The following PDSS2 variants were observed in gnomAD, a reference collection of about 807,000 sequenced individuals.
The protein encoded by PDSS2 is all trans-polyprenyl-diphosphate synthase PDSS2.
A neutral mutation model predicts 44.5 loss-of-function variants in PDSS2; 31 were observed. The observed-to-expected ratio is 0.70, with a 90% CI of 0.52 to 0.94. PDSS2 has a LOEUF of 0.94. Ranked by LOEUF, PDSS2 falls within the 40% of genes least tolerant of loss-of-function variation. PDSS2 has a pLI of 0.00. For synonymous variants in PDSS2, 157 were observed against 180.3 expected (o/e 0.87, Z 1.03); for missense variants, 452 against 482.2 (o/e 0.94, Z 0.59).
At chr6:107,197,142 T>TGCTCTAGCAAATTAACTGAACCC (rs1772590549) in intron 6 of PDSS2, among the ~76,000 whole-genome samples, 1 of 151,938 alleles carries the variant, frequency 6.6e-6, no homozygotes, top group Non-Finnish European at 1.5e-5. Flanking sequence ...TTCTGGGAGC[T>TGCTCTAGCAAATTAACTGAACCC]GCTCTAGCAA....
chr6:107,415,430 T>C (rs1038846447), intron 1 of PDSS2, among the ~76,000 whole-genome samples: 11 of 152,162 alleles, frequency 7.2e-5, no homozygotes, highest in African/African-American at 2.7e-4. Flanking sequence ...TAGTAAGGCC[T>C]CTTCTAGGTG....
chr6:107,430,918 T>C (rs1781174949), intron 1 of PDSS2, among the ~76,000 whole-genome samples: 1 of 152,234 alleles, frequency 6.6e-6, no homozygotes, highest in African/African-American at 2.4e-5. Flanking sequence ...GTCAATCTTA[T>C]TTTATTGTAA....
chr6:107,158,186 CTTT>C (rs35734800), intron 7 of PDSS2, among the ~76,000 whole-genome samples: 14 of 136,720 alleles, frequency 1.0e-4, no homozygotes, highest in East Asian at 4.3e-4. Flanking sequence ...GGTTTTCTTT[CTTT>C]TTTTTTTTTT....
chr6:107,159,712 TG>T (rs1231478954), intron 7 of PDSS2, among the ~76,000 whole-genome samples: 4 of 151,774 alleles, frequency 2.6e-5, no homozygotes, highest in Admixed American at 6.6e-5. Flanking sequence ...GCCACTGCGC[TG>T]GGCCAAGCTC....
intron 1 of PDSS2, among the ~76,000 whole-genome samples, chr6:107,362,752 T>C (rs1016470937): frequency 6.6e-6 from 1 of 152,166 alleles, no homozygotes; most frequent in African/African-American, 2.4e-5. Flanking sequence ...ATTATAAATA[T>C]GCTCAAAAAA....
At chr6:107,320,947 T>G (rs1777362976) in intron 2 of PDSS2, among the ~76,000 whole-genome samples, 1 of 152,214 alleles carries the variant, frequency 6.6e-6, no homozygotes, top group African/African-American at 2.4e-5. Context: ...TCAAATGGGA[T>G]TTGAAACTCA....
chr6:107,162,056 T>C (rs1554246797), intron 7 of PDSS2, among the ~76,000 whole-genome samples: 1 of 152,196 alleles, frequency 6.6e-6, no homozygotes, highest in Non-Finnish European at 1.5e-5. Context: ...GATTTAATAA[T>C]AGCCTGTGAG....
intron 2 of PDSS2, among the ~76,000 whole-genome samples, chr6:107,305,341 C>A (rs149813981): frequency 6.6e-6 from 1 of 152,204 alleles, no homozygotes; most frequent in Non-Finnish European, 1.5e-5. Context: ...GTATCTATGG[C>A]CCTCTTGCTC....
In PDSS2 at chr6:107,210,438, C is replaced by A. The variant is rs780560462; in HGVS notation, c.1008+1G>T. ...CTAAAACAGGAGTAATTTCATTTTA[C>A]CTCTCCGATCTGTTTAATCCACAAA... On this transcript the variant is annotated splice_donor_variant, in intron 6 of 7. Coordinates refer to ENST00000369037, the MANE Select transcript of PDSS2 (RefSeq NM_020381.4). LOFTEE classifies it high-confidence loss of function. 6.2e-7 allele frequency: 1 copy of A among 1,604,676 alleles called. No individual in the cohort carries two copies. The highest frequency in any genetic ancestry group is 8.5e-7 in the Non-Finnish European group (1 of 1,172,312).
chr6:107,348,988 G>C (rs1778339987), intron 1 of PDSS2, among the ~76,000 whole-genome samples: 1 of 152,158 alleles, frequency 6.6e-6, no homozygotes, highest in Non-Finnish European at 1.5e-5. Flanking sequence ...TAGGATTCTA[G>C]AACCTTCAGC....
At chr6:107,399,503 T>C (rs78478362) in intron 1 of PDSS2, among the ~76,000 whole-genome samples, 2 of 152,192 alleles carry the variant, frequency 1.3e-5, no homozygotes, top group African/African-American at 4.8e-5. Context: ...GCAATTATGA[T>C]CCTATCTTCC....
chr6:107,415,208 C>T (rs1357933855), intron 1 of PDSS2, among the ~76,000 whole-genome samples: 1 of 151,926 alleles, frequency 6.6e-6, no homozygotes, highest in African/African-American at 2.4e-5. Context: ...AACTCCTAAG[C>T]CCACCTAAGC....
intron 3 of PDSS2, chr6:107,264,484 A>G (rs1331667968): frequency 6.5e-7 from 1 of 1,547,250 alleles, no homozygotes; most frequent in Admixed American, 2.0e-5. Flanking sequence ...CATCTGATAT[A>G]TAGCAATAGG....
intron 4 of PDSS2, among the ~76,000 whole-genome samples, chr6:107,214,108 C>CT (rs111768125): frequency 0.3 from 43,552 of 144,542 alleles, 7,880 homozygotes; most frequent in African/African-American, 0.51. Flanking sequence ...CTATTTTACA[C>CT]TTTTTTTTTT....
At chr6:107,291,234 ATAACT>A (rs1453272899) in intron 2 of PDSS2, among the ~76,000 whole-genome samples, 5 of 152,146 alleles carry the variant, frequency 3.3e-5, no homozygotes, top group Non-Finnish European at 5.9e-5. Flanking sequence ...ATTCATGTTG[ATAACT>A]TAAATTAAAA....
rs193244867 is a variant in PDSS2, at chr6:107,408,924, T to G, written c.296+50066A>C. On this transcript the variant is annotated intron_variant, in intron 1 of 7. Coordinates refer to ENST00000369037, the MANE Select transcript of PDSS2 (RefSeq NM_020381.4). The stretch of plus-strand genomic sequence containing the variant: ...CTTCCTAGTTATTCATATCTCATTT[T>G]GGATCTAAGGACTCCAATTCCCTGA... Among the ~76,000 whole-genome samples, 57 of 152,332 alleles carry G rather than the reference T, an allele frequency of 3.7e-4. No individual in the cohort carries two copies. In the East Asian group the frequency reaches 0.01, roughly 27 times the overall value.
chr6:107,372,100 A>C (rs933015019), intron 1 of PDSS2, among the ~76,000 whole-genome samples: 1 of 152,228 alleles, frequency 6.6e-6, no homozygotes, highest in African/African-American at 2.4e-5. Flanking sequence ...AGGAGAAAGT[A>C]ATAACCATTT....
intron 2 of PDSS2, among the ~76,000 whole-genome samples, chr6:107,299,291 T>G (rs367767492): frequency 6.6e-6 from 1 of 151,950 alleles, no homozygotes; most frequent in East Asian, 1.9e-4. Context: ...ATGAGCATTA[T>G]CTCATTCAAA....
intron 7 of PDSS2, among the ~76,000 whole-genome samples, chr6:107,186,165 G>A (rs1772156556): frequency 6.6e-6 from 1 of 152,224 alleles, no homozygotes; most frequent in Admixed American, 6.5e-5. Context: ...GACAGGGAGA[G>A]ATGTAATGAA....
Sources: allele counts gnomAD v4.1 joint callset (sites outside exome capture counted in the v4.1 genomes callset), GRCh38; gene constraint gnomAD v4.1.1; transcripts MANE v1.5; gene names NCBI Gene and HGNC (gene_info 2026-07-23, HGNC 2026-07-21).